The following CDK5RAP2 variants were observed in gnomAD, a reference collection of about 807,000 sequenced individuals.
The protein encoded by CDK5RAP2 is CDK5 regulatory subunit associated protein 2, also known as CDK5 regulatory subunit-associated protein 2.
In CDK5RAP2, 147 loss-of-function variants were observed where a neutral mutation model predicts 232.9. The observed-to-expected ratio is 0.63, with a 90% CI of 0.55 to 0.72. CDK5RAP2 has a LOEUF of 0.72. CDK5RAP2 is among the 30% of genes least tolerant of loss of function. The pLI is 0.00. For synonymous variants in CDK5RAP2, 833 were observed against 833.7 expected, an observed-to-expected ratio of 1.00 and a Z score of 0.01; for missense variants, 2,195 against 2,231.5, an observed-to-expected ratio of 0.98 and a Z score of 0.33.
intron 5 of CDK5RAP2, among the ~76,000 whole-genome samples, chr9:120,540,455 A>T (rs191139299): frequency 6.6e-6 from 1 of 152,344 alleles, no homozygotes; most frequent in East Asian, 1.9e-4. Context: ...AGAACAATGG[A>T]AAGTCAAGAG....
intron 5 of CDK5RAP2, among the ~76,000 whole-genome samples, chr9:120,541,638 T>G (rs1473517139): frequency 1.3e-5 from 2 of 152,364 alleles, no homozygotes; most frequent in East Asian, 3.9e-4. Flanking sequence ...CAAATATGTT[T>G]ATCTCACAGC....
At position 120,400,901 on chromosome 9, in the gene CDK5RAP2, G is replaced by A. The variant is rs775085744; in HGVS notation, c.5308-16C>T. On this transcript the variant is annotated splice_polypyrimidine_tract_variant and intron_variant, in intron 34 of 37. Transcript: ENST00000349780. Reference sequence around the variant, plus strand: ...GGTGTGGACCCTACACGGGGGATATGAAGGCTGTTACGTGCAGTCTTGAAA... The same window carrying A: ...GGTGTGGACCCTACACGGGGGATATAAAGGCTGTTACGTGCAGTCTTGAAA... The A allele has an allele frequency of 9.9e-6, 16 of 1,614,110 alleles. No homozygotes were observed. The highest frequency in any genetic ancestry group is 1.7e-4 in the Middle Eastern group (1 of 6,056).
chr9:120,476,609 G>A (rs1192546852), intron 15 of CDK5RAP2, among the ~76,000 whole-genome samples: 4 of 151,598 alleles, frequency 2.6e-5, no homozygotes, highest in Admixed American at 6.6e-5. Context: ...AACCCGGGAG[G>A]CGGAGGTTGC....
intron 3 of CDK5RAP2, among the ~76,000 whole-genome samples, chr9:120,552,245 G>A (rs1382802358): frequency 6.6e-6 from 1 of 151,880 alleles, no homozygotes; most frequent in Non-Finnish European, 1.5e-5. Flanking sequence ...ACTGTTGGTG[G>A]GACTGTAAAC....
At chr9:120,559,990 C>A (rs2042404228) in intron 3 of CDK5RAP2, among the ~76,000 whole-genome samples, 1 of 152,188 alleles carries the variant, frequency 6.6e-6, no homozygotes. Context: ...ACCCGCCCCA[C>A]CTCAACTGAA....
intron 3 of CDK5RAP2, among the ~76,000 whole-genome samples, chr9:120,562,842 A>G (rs2042511063): frequency 1.3e-5 from 2 of 152,042 alleles, no homozygotes; most frequent in South Asian, 4.1e-4. Flanking sequence ...TCCTCACCAC[A>G]AGCCTCAGAT....
rs184567997 is a variant in CDK5RAP2, at chr9:120,450,511, A to G, written c.2794-2385T>C. ...AAGGGATGCACTGTATGACATGTGA[A>G]TTAAATCTCAATAAGGCTGTGTTTT... On this transcript the variant is annotated intron_variant, in intron 21 of 37. Coordinates refer to ENST00000349780, the MANE Select transcript of CDK5RAP2 (RefSeq NM_018249.6). Among the ~76,000 whole-genome samples, 33 of 152,344 alleles carry G rather than the reference A, an allele frequency of 2.2e-4. No homozygotes were observed. The East Asian group carries it at 5.6e-3, about 26-fold the overall frequency.
chr9:120,545,855 T>C (rs771516103), intron 4 of CDK5RAP2, 65 bp from the exon 5 acceptor site: 8 of 1,254,318 alleles, frequency 6.4e-6, no homozygotes, highest in Middle Eastern at 2.0e-4. Context: ...ATGTCAACAA[T>C]GGGGAAACTG....
intron 12 of CDK5RAP2, among the ~76,000 whole-genome samples, chr9:120,514,705 G>A (rs984024783): frequency 6.6e-6 from 1 of 152,166 alleles, no homozygotes; most frequent in African/African-American, 2.4e-5. Context: ...CTTAGTTCAA[G>A]CTAGGTTTCT....
Position 120,571,713 on chromosome 9 carries a change from C to T in CDK5RAP2, c.127+261G>A, listed in dbSNP as rs889414861. ...CCGTGCAGTTGTTCAGTTCAGCAAA[C>T]GCTCACTGAATCCCTATAGCTTTAG... On this transcript the variant is annotated intron_variant, in intron 2 of 37. Coordinates refer to ENST00000349780, the MANE Select transcript of CDK5RAP2 (RefSeq NM_018249.6). 23 of 458,648 alleles carry T rather than the reference C, an allele frequency of 5.0e-5. No homozygotes were observed. In the Admixed American group the frequency reaches 5.9e-4, roughly 12 times the overall value. The allele number at this position is 458,648 out of a possible 1,614,324, so 28.4% of individuals were successfully genotyped here. A position where few individuals can be genotyped will look rare whatever the true frequency, so the allele number is the denominator to read the frequency against.
intron 13 of CDK5RAP2, among the ~76,000 whole-genome samples, chr9:120,488,563 T>C (rs1422299922): frequency 6.6e-6 from 1 of 152,204 alleles, no homozygotes; most frequent in Admixed American, 6.5e-5. Context: ...TATACCTCCA[T>C]GTTTCTATAT....
At chr9:120,467,760 C>G in intron 18 of CDK5RAP2, 100 bp downstream of exon 18, 3 of 1,318,336 alleles carry the variant, frequency 2.3e-6, no homozygotes, top group Non-Finnish European at 3.2e-6. Context: ...ATCCTCCCAC[C>G]TCAGCCTCCC....
rs201792067 is a variant in CDK5RAP2 at position 120,390,505 on chromosome 9, G to A, written c.5579-718C>T. 2.2e-4 allele frequency among the ~76,000 whole-genome samples: 33 copies of A among 152,310 alleles called. No individual in the cohort carries two copies. In the East Asian group the frequency reaches 5.8e-3, roughly 27 times the overall value. ...TGTACTAGAAAGATCCCCCGTGCAT[G>A]AGAATTCCCAGGAGGGGCAGGCGAG... is the stretch of plus-strand genomic sequence containing the variant. On this transcript the variant is annotated intron_variant, in intron 36 of 37. Coordinates refer to ENST00000349780, the MANE Select transcript of CDK5RAP2 (RefSeq NM_018249.6).
chr9:120,523,625 T>C (rs550387861), intron 11 of CDK5RAP2, among the ~76,000 whole-genome samples: 2 of 152,342 alleles, frequency 1.3e-5, no homozygotes, highest in South Asian at 2.1e-4. Flanking sequence ...GGGATATGAA[T>C]CTTGGGAATC....
Position 120,527,788 on chromosome 9 carries a change from C to T in CDK5RAP2, c.999+18G>A. The T allele has an allele frequency of 6.2e-7, 1 of 1,612,428 alleles. No homozygotes were observed. The highest frequency in any genetic ancestry group is 8.5e-7 in the Non-Finnish European group (1 of 1,179,828). On this transcript the variant is annotated intron_variant, in intron 10 of 37. Transcript: ENST00000349780. ...AAGCTAATAAAGAAAAATCTTACTT[C>T]AAGTGTATCAGACATACCTTTTTTT...
chr9:120,518,478 C>T lies in CDK5RAP2; in HGVS notation c.1260G>A (p.Lys420=). 1 of 1,613,822 alleles carries T rather than the reference C, an allele frequency of 6.2e-7. No individual in the cohort carries two copies. Among genetic ancestry groups the T allele is most frequent in the South Asian group, 1.1e-5 (1 of 91,008 alleles). ...TCTCTCGATGGGCTTCCTCCAGGTC[C>T]TTCTCCAGTCTCTCCCTCTCCTGCT... ...DLQQERERLE[K]DLEEAHREKS... Residue 420 remains lysine (K), a synonymous_variant, in exon 12 of 38, where the codon AAG becomes AAA. Transcript: ENST00000349780.
intron 36 of CDK5RAP2, among the ~76,000 whole-genome samples, chr9:120,394,025 T>C (rs2032235331): frequency 6.6e-6 from 1 of 152,204 alleles, no homozygotes; most frequent in South Asian, 2.1e-4. Context: ...ATTCACTGTT[T>C]GCAGCCTTTA....
intron 35 of CDK5RAP2, among the ~76,000 whole-genome samples, chr9:120,395,503 G>A (rs78994333): frequency 0.023 from 3,486 of 152,298 alleles, 132 homozygotes; most frequent in African/African-American, 0.08. Context: ...ATACATGCAC[G>A]GCGGAGCCCT....
At chr9:120,424,025 C>G (rs2034728594) in intron 25 of CDK5RAP2, among the ~76,000 whole-genome samples, 1 of 152,242 alleles carries the variant, frequency 6.6e-6, no homozygotes, top group Non-Finnish European at 1.5e-5. Flanking sequence ...ATGAGTCACA[C>G]AGGCCTGAGT....
Sources: allele counts gnomAD v4.1 joint callset (sites outside exome capture counted in the v4.1 genomes callset), GRCh38; gene constraint gnomAD v4.1.1; transcripts MANE v1.5; gene names NCBI Gene and HGNC (gene_info 2026-07-23, HGNC 2026-07-21).